IRAG2: variants seen among roughly 807,000 people sequenced by gnomAD.
IRAG2 encodes the protein lymphoid restricted membrane protein.
Under a neutral mutation model 69.9 loss-of-function variants are expected in IRAG2, and 45 were observed. The observed-to-expected ratio is 0.64, with a 90% confidence interval of 0.51 to 0.83. The LOEUF (loss-of-function observed/expected upper bound fraction) is 0.83. Ranked by LOEUF, IRAG2 falls within the 40% of genes least tolerant of loss-of-function variation. IRAG2 has a pLI of 0.00. For synonymous variants in IRAG2, 193 were observed against 202.4 expected, an observed-to-expected ratio of 0.95 and a Z score of 0.40; for missense variants, 520 against 587.0, an observed-to-expected ratio of 0.89 and a Z score of 1.18.
At chr12:25,077,372 A>G (rs200613581) in intron 6 of IRAG2, among the ~76,000 whole-genome samples, 8 of 33,070 alleles carry the variant, frequency 2.4e-4, no homozygotes, top group East Asian at 6.5e-4. Context: ...ATATATATGA[A>G]ATATATATAT....
intron 5 of IRAG2, among the ~76,000 whole-genome samples, chr12:25,016,633 C>T (rs1204083223): frequency 1.3e-5 from 2 of 151,946 alleles, no homozygotes; most frequent in Non-Finnish European, 2.9e-5. Context: ...CATGGTGGTG[C>T]ATGCCTGTAG....
chr12:25,084,751 G>T (rs554384873), intron 10 of IRAG2, among the ~76,000 whole-genome samples: 8 of 152,304 alleles, frequency 5.3e-5, no homozygotes, highest in African/African-American at 1.9e-4. Context: ...TTGGATTTGT[G>T]ATTTGGAACA....
intron 13 of IRAG2, 103 bp from the exon 14 acceptor site, chr12:25,089,954 G>A: frequency 7.4e-7 from 1 of 1,350,790 alleles, no homozygotes; most frequent in Non-Finnish European, 1.0e-6. Context: ...ATGTTGCTGG[G>A]GGGAGAAAGA....
intron 10 of IRAG2, among the ~76,000 whole-genome samples, chr12:25,083,794 T>A (rs1229244193): frequency 6.6e-6 from 1 of 152,226 alleles, no homozygotes; most frequent in African/African-American, 2.4e-5. Flanking sequence ...AAGCTAAATA[T>A]TTCTCAGTAG....
intron 16 of IRAG2, among the ~76,000 whole-genome samples, chr12:25,038,448 A>G (rs555818438): frequency 2.0e-5 from 3 of 152,166 alleles, no homozygotes; most frequent in South Asian, 2.1e-4. Context: ...TTTGAGACCA[A>G]CCTGGCCAAC....
intron 1 of IRAG2, among the ~76,000 whole-genome samples, chr12:25,060,668 C>CTTTTTTT (rs753591747): frequency 1.0e-5 from 1 of 99,290 alleles, no homozygotes; most frequent in African/African-American, 4.2e-5. Context: ...AATGTATTTT[C>CTTTTTTT]TTTTTTTTTT....
At chr12:25,077,240 GAA>G (rs1491213562) in intron 6 of IRAG2, among the ~76,000 whole-genome samples, 27 of 79,626 alleles carry the variant, frequency 3.4e-4, no homozygotes, top group Non-Finnish European at 6.0e-4. Flanking sequence ...ATATATATAT[GAA>G]ATATATATAT....
chr12:25,102,163 A>G (rs1948792944), intron 16 of IRAG2, 35 bp from the exon 17 acceptor site: 1 of 1,581,844 alleles, frequency 6.3e-7, no homozygotes, highest in African/African-American at 1.3e-5. Flanking sequence ...GGCATGTGTA[A>G]TAGCTAAAAT....
intron 14 of IRAG2, chr12:25,035,792 C>T (rs151198703): frequency 1.0e-4 from 40 of 398,812 alleles, no homozygotes; most frequent in Non-Finnish European, 1.5e-4. Context: ...AAGCTGGTAT[C>T]GTATAACATA....
intron 2 of IRAG2, among the ~76,000 whole-genome samples, chr12:25,007,868 T>C (rs1944444909): frequency 6.6e-6 from 1 of 152,218 alleles, no homozygotes; most frequent in African/African-American, 2.4e-5. Flanking sequence ...TTGGTGATTG[T>C]GTATCTGTAG....
chr12:24,997,685 A>G, the IRAG2 span: 1 of 153,676 alleles, frequency 6.5e-6, no homozygotes, highest in Non-Finnish European at 1.5e-5. Context: ...GAAGGCCGAG[A>G]AAGTACCGCC....
At chr12:25,049,789 T>G (rs1202577498), upstream of IRAG2, among the ~76,000 whole-genome samples, 1 of 151,846 alleles carries the variant, frequency 6.6e-6, no homozygotes, top group Admixed American at 6.6e-5. Context: ...GAGACCATCC[T>G]GGCTAACAAG....
At chr12:25,007,867 G>A (rs755812539) in intron 2 of IRAG2, among the ~76,000 whole-genome samples, 16 of 152,178 alleles carry the variant, frequency 1.1e-4, no homozygotes. Context: ...TTTGGTGATT[G>A]TGTATCTGTA....
At chr12:25,042,757 G>A (rs1383948649) in intron 16 of IRAG2, among the ~76,000 whole-genome samples, 4 of 151,862 alleles carry the variant, frequency 2.6e-5, no homozygotes, top group Non-Finnish European at 5.9e-5. Context: ...GAACCACCGC[G>A]CCTGGCCCCC....
intron 6 of IRAG2, among the ~76,000 whole-genome samples, chr12:25,071,892 T>C (rs1454571398): frequency 6.6e-6 from 1 of 152,100 alleles, no homozygotes; most frequent in African/African-American, 2.4e-5. Flanking sequence ...GTTTTGTCTG[T>C]GCTTCACACC....
At chr12:25,079,171 T>C in intron 6 of IRAG2, 73 bp from the exon 7 acceptor site, 1 of 1,450,842 alleles carries the variant, frequency 6.9e-7, no homozygotes, top group Non-Finnish European at 9.7e-7. Context: ...ATGAAAATGT[T>C]TGCTTAAAAC....
intron 1 of IRAG2, among the ~76,000 whole-genome samples, chr12:25,055,382 C>T (rs1312502019): frequency 1.3e-5 from 2 of 152,206 alleles, no homozygotes; most frequent in Non-Finnish European, 2.9e-5. Context: ...ATTTCTTCTG[C>T]ATCTAAACTT....
intron 7 of IRAG2, among the ~76,000 whole-genome samples, chr12:25,022,931 G>C (rs149288054): frequency 0.051 from 7,691 of 152,252 alleles, 347 homozygotes; most frequent in East Asian, 0.23. Flanking sequence ...TTCGAGGCCA[G>C]CCTGGCCAAC....
In IRAG2 at chr12:25,102,186, T is replaced by A. The variant is rs1948796187; in HGVS notation, c.890-12T>A. The A allele has an allele frequency of 1.2e-6, 2 of 1,611,762 alleles. No homozygotes were observed. Among genetic ancestry groups the A allele is most frequent in the African/African-American group, 2.7e-5 (2 of 74,886 alleles). On this transcript the variant is annotated splice_polypyrimidine_tract_variant and intron_variant, in intron 16 of 21. Coordinates refer to ENST00000556887, the MANE Select transcript of IRAG2 (RefSeq NM_001366544.2). ...TAATAGCTAAAATGTGTCAATGTGTTTTTCCTTTCAGATGACTGCCAAATT... is the reference window on the plus strand; with the variant it reads ...TAATAGCTAAAATGTGTCAATGTGTATTTCCTTTCAGATGACTGCCAAATT...
Sources: allele counts gnomAD v4.1 joint callset (sites outside exome capture counted in the v4.1 genomes callset), GRCh38; gene constraint gnomAD v4.1.1; transcripts MANE v1.5; gene names NCBI Gene and HGNC (gene_info 2026-07-23, HGNC 2026-07-21).